MACROD2: variants seen among roughly 807,000 people sequenced by gnomAD.
The protein encoded by MACROD2 is ADP-ribose glycohydrolase MACROD2.
MACROD2 carries 36 observed loss-of-function variants against 70.4 expected under a neutral mutation model. The ratio of observed to expected loss-of-function variants is 0.51; its 90% CI spans 0.39 to 0.68. The LOEUF is 0.68. MACROD2 is among the 30% of genes least tolerant of loss of function. MACROD2 has a pLI of 0.00. For synonymous variants in MACROD2, 172 were observed against 178.8 expected, an observed-to-expected ratio of 0.96 and a Z score of 0.30; for missense variants, 496 against 538.4, an observed-to-expected ratio of 0.92 and a Z score of 0.78.
At chr20:15,859,231 G>T (rs1319376634) in intron 8 of MACROD2, among the ~76,000 whole-genome samples, 1 of 151,998 alleles carries the variant, frequency 6.6e-6, no homozygotes, top group Non-Finnish European at 1.5e-5. Flanking sequence ...GAGGAAGGGG[G>T]GTAGGTATAC....
intron 5 of MACROD2, among the ~76,000 whole-genome samples, chr20:14,951,463 G>A (rs1027576022): frequency 5.3e-5 from 8 of 152,058 alleles, no homozygotes; most frequent in South Asian, 2.1e-4. Flanking sequence ...CTGAGGCTCC[G>A]TATCAGCTAA....
At chr20:15,695,097 AC>A (rs1430169585) in intron 8 of MACROD2, among the ~76,000 whole-genome samples, 1 of 152,166 alleles carries the variant, frequency 6.6e-6, no homozygotes. Flanking sequence ...TTATACCAAT[AC>A]CATGCTGTTT....
chr20:14,582,995 T>C (rs1443693757), intron 4 of MACROD2, among the ~76,000 whole-genome samples: 4 of 152,096 alleles, frequency 2.6e-5, no homozygotes, highest in African/African-American at 9.7e-5. Flanking sequence ...GTGCATGTGG[T>C]TGAGTGTGCA....
intron 8 of MACROD2, among the ~76,000 whole-genome samples, chr20:15,618,357 A>G (rs962921217): frequency 4.6e-5 from 7 of 152,166 alleles, no homozygotes; most frequent in African/African-American, 1.4e-4. Flanking sequence ...CTCCAGCCAC[A>G]TGGAAACAAG....
chr20:15,699,504 G>A (rs1045999086), intron 8 of MACROD2, among the ~76,000 whole-genome samples: 3 of 152,122 alleles, frequency 2.0e-5, no homozygotes, highest in African/African-American at 7.2e-5. Flanking sequence ...AATCCGTGAG[G>A]GTCCTTAGCT....
chr20:15,101,534 C>CAAAAAAAAAAAAAAAAA lies in MACROD2; in HGVS notation c.419-128392_419-128391insAAAAAAAAAAAAAAAAA, dbSNP rs6147300. On this transcript the variant is annotated intron_variant, in intron 5 of 17. Transcript: ENST00000684519. ...AGCACAGATAACCCAGGTGTTGGTT[C>CAAAAAAAAAAAAAAAAA]AAAAAAAAAAAAAAGCATTCTGGAG... is the stretch of plus-strand genomic sequence containing the variant. Among the ~76,000 whole-genome samples, 6 of 88,918 alleles carry CAAAAAAAAAAAAAAAAA rather than the reference C, an allele frequency of 6.7e-5. 1 individual carries two copies. The highest frequency in any genetic ancestry group is 3.9e-4 in the East Asian group (1 of 2,578). The allele number at this position is 88,918 out of a possible 152,430, so 58.3% of individuals were successfully genotyped here. A position where few individuals can be genotyped will look rare whatever the true frequency, so the allele number is the denominator to read the frequency against.
At chr20:14,304,839 A>G (rs75008271) in intron 3 of MACROD2, among the ~76,000 whole-genome samples, 1 of 151,776 alleles carries the variant, frequency 6.6e-6, no homozygotes, top group South Asian at 2.1e-4. Flanking sequence ...ATGATTTAAA[A>G]TTTTGATTTA....
At chr20:14,655,458 C>G (rs1023180094) in intron 4 of MACROD2, among the ~76,000 whole-genome samples, 2 of 151,464 alleles carry the variant, frequency 1.3e-5, no homozygotes, top group South Asian at 4.2e-4. Flanking sequence ...AGATGAATAA[C>G]TTAGTTATTC....
Position 15,539,220 on chromosome 20 carries a change from C to T in MACROD2, c.645+39373C>T, listed in dbSNP as rs549884325. 5.9e-5 allele frequency among the ~76,000 whole-genome samples: 9 copies of T among 152,272 alleles called. No homozygotes were observed. In the South Asian group the frequency reaches 1.7e-3, roughly 28 times the overall value. On this transcript the variant is annotated intron_variant, in intron 8 of 17. Transcript: ENST00000684519. ...AGAGATGTAGGGGCAGCATAAAACT[C>T]TAACCAGATAAATCCATGGTATATT...
chr20:14,702,877 G>A (rs941894207), intron 5 of MACROD2, among the ~76,000 whole-genome samples: 1 of 150,986 alleles, frequency 6.6e-6, no homozygotes, highest in African/African-American at 2.4e-5. Context: ...ATAGGTGCCT[G>A]CCACCACACC....
At chr20:15,152,472 TTGGGG>T (rs1289932046) in intron 5 of MACROD2, among the ~76,000 whole-genome samples, 1 of 150,474 alleles carries the variant, frequency 6.6e-6, no homozygotes, top group African/African-American at 2.5e-5. Flanking sequence ...AAATAAGGGA[TTGGGG>T]CACAGAGATA....
chr20:14,050,609 A>T (rs2053553165), intron 2 of MACROD2, among the ~76,000 whole-genome samples: 2 of 152,190 alleles, frequency 1.3e-5, no homozygotes. Flanking sequence ...CAAAACAGAA[A>T]GTGAACGAAG....
chr20:15,926,628 A>G (rs966273726), intron 10 of MACROD2, among the ~76,000 whole-genome samples: 1 of 152,148 alleles, frequency 6.6e-6, no homozygotes, highest in African/African-American at 2.4e-5. Context: ...TTCAGTACAG[A>G]TCTCATTGAA....
chr20:15,129,189 C>G (rs1346975188), intron 5 of MACROD2, among the ~76,000 whole-genome samples: 5 of 151,756 alleles, frequency 3.3e-5, no homozygotes, highest in African/African-American at 7.3e-5. Flanking sequence ...TTTTTAAAAG[C>G]TAAAATCTGT....
At chr20:14,760,799 G>T (rs1426442866) in intron 5 of MACROD2, among the ~76,000 whole-genome samples, 1 of 151,976 alleles carries the variant, frequency 6.6e-6, no homozygotes, top group Non-Finnish European at 1.5e-5. Flanking sequence ...TACAAACTTA[G>T]GTCTCCACTT....
intron 6 of MACROD2, among the ~76,000 whole-genome samples, chr20:15,406,032 C>T (rs930151366): frequency 5.9e-5 from 9 of 152,144 alleles, no homozygotes; most frequent in Non-Finnish European, 1.3e-4. Flanking sequence ...ACCCAGCTAC[C>T]CAAAGACATA....
chr20:14,352,424 A>T (rs943863159), intron 3 of MACROD2: 3 of 152,190 alleles, frequency 2.0e-5, no homozygotes, highest in Non-Finnish European at 2.9e-5. Context: ...TTCCATATTT[A>T]AAAAAGAAAA....
At chr20:15,649,090 T>TC (rs2049600053) in intron 8 of MACROD2, among the ~76,000 whole-genome samples, 3 of 34,822 alleles carry the variant, frequency 8.6e-5, no homozygotes, top group African/African-American at 3.2e-4. Context: ...TCCCTCCCCT[T>TC]CCCTCCCCTC....
chr20:15,689,449 G>A (rs1454802744), intron 8 of MACROD2, among the ~76,000 whole-genome samples: 4 of 152,146 alleles, frequency 2.6e-5, no homozygotes, highest in Non-Finnish European at 5.9e-5. Context: ...CATTGTGATT[G>A]TAATAGAGAA....
Sources: allele counts gnomAD v4.1 joint callset (sites outside exome capture counted in the v4.1 genomes callset), GRCh38; gene constraint gnomAD v4.1.1; transcripts MANE v1.5; gene names NCBI Gene and HGNC (gene_info 2026-07-23, HGNC 2026-07-21).